The following ADCY8 variants were observed in gnomAD, a reference collection of about 807,000 sequenced individuals.
The protein encoded by ADCY8 is adenylate cyclase 8, also known as adenylate cyclase type 8.
In ADCY8, 51 loss-of-function variants were observed where a neutral mutation model predicts 119.7. That is an observed-to-expected ratio of 0.43 (90% CI 0.34 to 0.54). The LOEUF (loss-of-function observed/expected upper bound fraction) is 0.54. ADCY8 is among the 20% of genes least tolerant of loss of function. The pLI, the probability that ADCY8 is intolerant of heterozygous loss-of-function variation, is 0.03. For missense variants in ADCY8, 1,383 were observed against 1,598.8 expected (o/e 0.87, Z 2.30); for synonymous variants, 665 against 651.0 (o/e 1.02, Z -0.33).
intron 14 of ADCY8, among the ~76,000 whole-genome samples, chr8:130,811,848 C>T (rs1816177421): frequency 6.6e-6 from 1 of 152,210 alleles, no homozygotes; most frequent in Non-Finnish European, 1.5e-5. Context: ...TGGGCCAGTC[C>T]ATGGTTCTAG....
chr8:130,815,239 C>A (rs1047963744), intron 13 of ADCY8, among the ~76,000 whole-genome samples: 1 of 152,302 alleles, frequency 6.6e-6, no homozygotes, highest in South Asian at 2.1e-4. Flanking sequence ...GACTTCTCAG[C>A]CTCCAGAACC....
At chr8:130,869,488 G>GTT (rs11410180) in intron 8 of ADCY8, among the ~76,000 whole-genome samples, 20 of 140,376 alleles carry the variant, frequency 1.4e-4, no homozygotes, top group Admixed American at 2.8e-4. Context: ...TTGGCTTACT[G>GTT]TTTTTTTTTT....
At chr8:131,013,324 G>A (rs1438579186) in intron 1 of ADCY8, among the ~76,000 whole-genome samples, 1 of 152,086 alleles carries the variant, frequency 6.6e-6, no homozygotes, top group Non-Finnish European at 1.5e-5. Flanking sequence ...CAATTATTCT[G>A]GGCAGAAGGA....
At chr8:130,815,767 C>A (rs263268) in intron 13 of ADCY8, among the ~76,000 whole-genome samples, 25,495 of 152,192 alleles carry the variant, frequency 0.17, 2,713 homozygotes, top group South Asian at 0.32. Context: ...TAACCCTGGA[C>A]AAGTTACTTC....
chr8:130,881,762 T>G (rs1818781002), intron 8 of ADCY8, among the ~76,000 whole-genome samples: 1 of 152,094 alleles, frequency 6.6e-6, no homozygotes, highest in Non-Finnish European at 1.5e-5. Flanking sequence ...AAATCTTGAG[T>G]TCTTTCCAGG....
intron 4 of ADCY8, among the ~76,000 whole-genome samples, chr8:130,939,413 G>A (rs1376618223): frequency 6.6e-6 from 1 of 152,162 alleles, no homozygotes; most frequent in Admixed American, 6.5e-5. Context: ...TCCGAACACT[G>A]AGACTGGAAG....
chr8:130,955,771 C>T (rs1821407708), intron 2 of ADCY8, among the ~76,000 whole-genome samples: 1 of 152,156 alleles, frequency 6.6e-6, no homozygotes, highest in East Asian at 1.9e-4. Context: ...TTTTCAGACA[C>T]ATGGACTCTG....
At chr8:130,979,591 A>G (rs1248916644) in intron 2 of ADCY8, among the ~76,000 whole-genome samples, 1 of 151,902 alleles carries the variant, frequency 6.6e-6, no homozygotes, top group Admixed American at 6.6e-5. Context: ...AGGACATCGT[A>G]GCATAATAAT....
intron 1 of ADCY8, among the ~76,000 whole-genome samples, chr8:131,020,388 C>G (rs897983415): frequency 1.3e-5 from 2 of 152,100 alleles, no homozygotes; most frequent in Non-Finnish European, 2.9e-5. Context: ...ATTCAGCAGG[C>G]AAACTTGCAA....
intron 1 of ADCY8, among the ~76,000 whole-genome samples, chr8:130,994,072 C>T (rs1490553952): frequency 6.6e-6 from 1 of 152,204 alleles, no homozygotes; most frequent in Non-Finnish European, 1.5e-5. Flanking sequence ...TTTTGATACC[C>T]ATCACGTAGA....
At chr8:131,027,440 A>G (rs1384619753) in intron 1 of ADCY8, among the ~76,000 whole-genome samples, 1 of 152,192 alleles carries the variant, frequency 6.6e-6, no homozygotes, top group Non-Finnish European at 1.5e-5. Flanking sequence ...TGAGAATGCT[A>G]GCATATGGGA....
chr8:130,867,950 T>C lies in ADCY8; in HGVS notation c.2110-4A>G. ...CTTCATCCCTCATTTGAGAATACTGTAATTAAAAAAAGAGAGAATGAGTTA... is the reference window on the plus strand; with the variant it reads ...CTTCATCCCTCATTTGAGAATACTGCAATTAAAAAAAGAGAGAATGAGTTA... On this transcript the variant is annotated splice_region_variant and splice_polypyrimidine_tract_variant and intron_variant, in intron 8 of 17. Coordinates refer to ENST00000286355, the MANE Select transcript of ADCY8 (RefSeq NM_001115.3). The C allele has an allele frequency of 6.3e-7, 1 of 1,596,612 alleles. No individual in the cohort carries two copies. The highest frequency in any genetic ancestry group is 1.1e-5 in the South Asian group (1 of 89,706).
chr8:130,918,595 C>T (rs1820201680), intron 5 of ADCY8, among the ~76,000 whole-genome samples: 1 of 152,048 alleles, frequency 6.6e-6, no homozygotes, highest in Non-Finnish European at 1.5e-5. Flanking sequence ...TGTTTCTTGT[C>T]AGTAAAAATA....
At chr8:131,035,114 A>T (rs991258306) in intron 1 of ADCY8, among the ~76,000 whole-genome samples, 3 of 152,176 alleles carry the variant, frequency 2.0e-5, no homozygotes, top group African/African-American at 7.2e-5. Flanking sequence ...GGTGATACAA[A>T]CAATTGGTTT....
At chr8:131,014,057 C>T (rs902319813) in intron 1 of ADCY8, among the ~76,000 whole-genome samples, 2 of 152,164 alleles carry the variant, frequency 1.3e-5, no homozygotes, top group Non-Finnish European at 2.9e-5. Flanking sequence ...AGTTTCTCAA[C>T]TGTATTATTT....
intron 2 of ADCY8, among the ~76,000 whole-genome samples, chr8:130,963,266 T>C (rs1821662878): frequency 6.6e-6 from 1 of 152,176 alleles, no homozygotes; most frequent in Non-Finnish European, 1.5e-5. Context: ...ACCATTGTTC[T>C]AAAAGCAGCA....
chr8:130,798,153 A>C (rs1815645418), intron 15 of ADCY8, among the ~76,000 whole-genome samples: 1 of 152,192 alleles, frequency 6.6e-6, no homozygotes, highest in Non-Finnish European at 1.5e-5. Flanking sequence ...AAACCTATAG[A>C]GATTAGTAAC....
Position 130,847,455 on chromosome 8 carries a change from G to A in ADCY8, c.2471C>T (p.Ala824Val), listed in dbSNP as rs77429727. The change falls in exon 11 of 18, where the codon GCT (alanine) becomes GTT (valine). Residue 824 changes from alanine (A) to valine (V), a missense_variant. Transcript: ENST00000286355. ...GTAGGAGCAGATATCTGTAAACACA[G>A]CTGAGGAATTGAAAGTCAGGTTCTT... is the stretch of plus-strand genomic sequence containing the variant. ...PLKNLTFNSS[A>V]VFTDICSYPE... The A allele has an allele frequency of 1.5e-5, 24 of 1,612,392 alleles. No individual in the cohort carries two copies. The highest frequency in any genetic ancestry group is 2.0e-5 in the Non-Finnish European group (23 of 1,179,472).
chr8:130,843,482 T>A (rs1480747283), intron 11 of ADCY8, among the ~76,000 whole-genome samples: 1 of 152,196 alleles, frequency 6.6e-6, no homozygotes, highest in Non-Finnish European at 1.5e-5. Context: ...GAGTCCACCT[T>A]GGTTTCCTCT....
Sources: gnomAD v4.1 joint callset for allele counts (sites outside exome capture counted in the v4.1 genomes callset) on GRCh38, gnomAD v4.1.1 for gene constraint, MANE v1.5 for transcripts, NCBI Gene and HGNC (gene_info 2026-07-23, HGNC 2026-07-21) for gene names.